Variants in TMEM123 observed in about 807,000 individuals in gnomAD.
TMEM123 encodes transmembrane protein 123, also known as porimin.
A neutral mutation model predicts 19.7 loss-of-function variants in TMEM123; 16 were observed. The ratio of observed to expected loss-of-function variants is 0.81; its 90% CI spans 0.55 to 1.23. The LOEUF (loss-of-function observed/expected upper bound fraction) is 1.23. Among genes scored for constraint, TMEM123 ranks in the 50% most tolerant of loss-of-function variants. The pLI, the probability that TMEM123 is intolerant of heterozygous loss-of-function variation, is 0.00. For synonymous variants in TMEM123, 118 were observed against 99.4 expected (o/e 1.19, Z -1.12); for missense variants, 313 against 257.8 (o/e 1.21, Z -1.47).
chr11:102,402,620 C>A (rs1217356080), intron 2 of TMEM123, among the ~76,000 whole-genome samples: 1 of 152,208 alleles, frequency 6.6e-6, no homozygotes, highest in Non-Finnish European at 1.5e-5. Flanking sequence ...ATTTCCAGTT[C>A]TCTGCTATAC....
intron 2 of TMEM123, among the ~76,000 whole-genome samples, chr11:102,445,604 G>A (rs754554377): frequency 6.6e-6 from 1 of 152,194 alleles, no homozygotes; most frequent in Non-Finnish European, 1.5e-5. Flanking sequence ...TTCCACTTCA[G>A]TAAGACTTTC....
At chr11:102,433,643 T>C (rs1241880580) in intron 2 of TMEM123, among the ~76,000 whole-genome samples, 2 of 151,756 alleles carry the variant, frequency 1.3e-5, no homozygotes, top group African/African-American at 2.4e-5. Context: ...GGCATGAGAT[T>C]TGGGAGGGGC....
At chr11:102,423,040 T>C (rs1417879852) in intron 2 of TMEM123, among the ~76,000 whole-genome samples, 1 of 152,180 alleles carries the variant, frequency 6.6e-6, no homozygotes, top group African/African-American at 2.4e-5. Flanking sequence ...TCTAAGAATC[T>C]AGCTAAATCC....
At chr11:102,407,700 G>A (rs1951968019) in intron 2 of TMEM123, among the ~76,000 whole-genome samples, 1 of 152,162 alleles carries the variant, frequency 6.6e-6, no homozygotes, top group South Asian at 2.1e-4. Flanking sequence ...GTCTCTACAA[G>A]CCAGGGAATG....
chr11:102,444,121 T>C (rs1857857087), intron 2 of TMEM123, among the ~76,000 whole-genome samples: 1 of 152,146 alleles, frequency 6.6e-6, no homozygotes, highest in Non-Finnish European at 1.5e-5. Flanking sequence ...AGTTCAACCA[T>C]TGTGGAAGAC....
intron 3 of TMEM123, 39 bp downstream of exon 3, chr11:102,401,877 T>C: frequency 6.3e-7 from 1 of 1,590,882 alleles, no homozygotes; most frequent in Non-Finnish European, 8.6e-7. Context: ...ATTTAACTAC[T>C]TGCAGCATAG....
intron 2 of TMEM123, among the ~76,000 whole-genome samples, chr11:102,423,797 A>G (rs917436853): frequency 5.3e-5 from 8 of 152,202 alleles, no homozygotes; most frequent in Non-Finnish European, 1.2e-4. Flanking sequence ...AACAGTGATT[A>G]TTTCTAGGGA....
chr11:102,448,373 T>C (rs1857905434), intron 2 of TMEM123: 1 of 440,070 alleles, frequency 2.3e-6, no homozygotes. Context: ...GGGTTGAGTC[T>C]GCCTAATGGG....
intron 2 of TMEM123, among the ~76,000 whole-genome samples, chr11:102,423,356 G>T (rs1292260141): frequency 6.6e-6 from 1 of 152,172 alleles, no homozygotes; most frequent in Non-Finnish European, 1.5e-5. Context: ...TACGACTTCT[G>T]AGGCTAGGTC....
intron 2 of TMEM123, among the ~76,000 whole-genome samples, chr11:102,441,844 C>T (rs574101568): frequency 1.1e-3 from 161 of 151,970 alleles, no homozygotes; most frequent in Non-Finnish European, 1.8e-3. Context: ...ATCAAACAGA[C>T]GCAATAAAAA....
At chr11:102,437,608 C>T (rs1046382978) in intron 2 of TMEM123, among the ~76,000 whole-genome samples, 3 of 152,080 alleles carry the variant, frequency 2.0e-5, no homozygotes, top group Non-Finnish European at 4.4e-5. Context: ...TGGAGGCATA[C>T]TTCAGGAAAG....
intron 2 of TMEM123, among the ~76,000 whole-genome samples, chr11:102,417,556 A>G (rs1221261053): frequency 6.6e-6 from 1 of 152,204 alleles, no homozygotes; most frequent in Non-Finnish European, 1.5e-5. Flanking sequence ...GAAAGAATCA[A>G]TATTATTAAG....
At chr11:102,450,514 GCTGA>G (rs1857926970) in intron 1 of TMEM123, among the ~76,000 whole-genome samples, 1 of 152,172 alleles carries the variant, frequency 6.6e-6, no homozygotes, top group Admixed American at 6.5e-5. Flanking sequence ...AAGCTATGCA[GCTGA>G]CTGTGAAGAA....
intron 4 of TMEM123, among the ~76,000 whole-genome samples, chr11:102,399,636 A>ATT (rs1470434084): frequency 1.3e-5 from 2 of 152,242 alleles, no homozygotes; most frequent in Admixed American, 6.5e-5. Context: ...GTTTGATATG[A>ATT]TAAATATATG....
At chr11:102,431,185 T>C (rs1273984537) in intron 2 of TMEM123, among the ~76,000 whole-genome samples, 1 of 152,136 alleles carries the variant, frequency 6.6e-6, no homozygotes, top group Non-Finnish European at 1.5e-5. Flanking sequence ...AAAAACTGTA[T>C]TTATGGTGTA....
intron 1 of TMEM123, chr11:102,449,493 T>C (rs1007820532): frequency 3.3e-5 from 5 of 152,188 alleles, no homozygotes; most frequent in African/African-American, 9.7e-5. Context: ...GTATAACACA[T>C]AGGGAGAGAG....
chr11:102,427,615 G>A (rs919042938), intron 2 of TMEM123, among the ~76,000 whole-genome samples: 1 of 151,268 alleles, frequency 6.6e-6, no homozygotes, highest in African/African-American at 2.4e-5. Flanking sequence ...GAGGCAGGTG[G>A]ATCACGAGGT....
At chr11:102,401,846 GAAT>G in intron 3 of TMEM123, 67 bp downstream of exon 3, 1 of 1,553,826 alleles carries the variant, frequency 6.4e-7, no homozygotes, top group Non-Finnish European at 8.7e-7. Flanking sequence ...TTGCCAGACA[GAAT>G]AATGACTTAA....
At chr11:102,450,632 A>G in intron 1 of TMEM123, among the ~76,000 whole-genome samples, 1 of 152,266 alleles carries the variant, frequency 6.6e-6, no homozygotes, top group South Asian at 2.1e-4. Flanking sequence ...AAGAGCCATC[A>G]TCATCTAACG....
Sources: gnomAD v4.1 joint callset for allele counts (sites outside exome capture counted in the v4.1 genomes callset) on GRCh38, gnomAD v4.1.1 for gene constraint, MANE v1.5 for transcripts, NCBI Gene and HGNC (gene_info 2026-07-23, HGNC 2026-07-21) for gene names.